The following GRM7 variants were observed in gnomAD, a reference collection of about 807,000 sequenced individuals.
The protein encoded by GRM7 is glutamate metabotropic receptor 7, also known as metabotropic glutamate receptor 7.
GRM7 carries 35 observed loss-of-function variants against 84.5 expected under a neutral mutation model. That is an observed-to-expected ratio of 0.41 (90% CI 0.32 to 0.55). GRM7 has a LOEUF of 0.55. Among genes scored for constraint, GRM7 ranks in the 20% least tolerant of loss-of-function variants. The pLI, the probability that GRM7 is intolerant of heterozygous loss-of-function variation, is 0.19. For missense variants in GRM7, 1,003 were observed against 1,194.6 expected (o/e 0.84, Z 2.36); for synonymous variants, 487 against 455.1 (o/e 1.07, Z -0.89).
At chr3:7,293,258 T>C (rs1699698827) in intron 2 of GRM7, among the ~76,000 whole-genome samples, 1 of 152,096 alleles carries the variant, frequency 6.6e-6, no homozygotes, top group Non-Finnish European at 1.5e-5. Context: ...TTGGAAAGCA[T>C]CTGTGGTGTG....
chr3:7,468,230 T>A (rs950299557), intron 7 of GRM7, among the ~76,000 whole-genome samples: 2 of 152,228 alleles, frequency 1.3e-5, no homozygotes, highest in East Asian at 3.8e-4. Flanking sequence ...GAGAAAAATA[T>A]GTAAGGTGTC....
At chr3:7,458,095 G>A (rs954644707) in intron 6 of GRM7, among the ~76,000 whole-genome samples, 10 of 152,172 alleles carry the variant, frequency 6.6e-5, no homozygotes, top group South Asian at 2.1e-4. Context: ...TAGTAAATAC[G>A]TTGATGCAGA....
Position 6,999,649 on chromosome 3 carries a change from A to C in GRM7, c.519+137742A>C, listed in dbSNP as rs570820224. 1.2e-4 allele frequency among the ~76,000 whole-genome samples: 19 copies of C among 152,326 alleles called. No individual in the cohort carries two copies. In the South Asian group the frequency reaches 3.5e-3, roughly 28 times the overall value. On this transcript the variant is annotated intron_variant, in intron 1 of 9. Coordinates refer to ENST00000357716, the MANE Select transcript of GRM7 (RefSeq NM_000844.4). Reference sequence around the variant, plus strand: ...CTGCAGGGCTGGGGATGCCTCAGGAAACTTACAATCATGGTGGAAGAGGAA... The same window carrying C: ...CTGCAGGGCTGGGGATGCCTCAGGACACTTACAATCATGGTGGAAGAGGAA...
At chr3:7,461,869 T>C in intron 7 of GRM7, 147 bp downstream of exon 7, 1 of 685,434 alleles carries the variant, frequency 1.5e-6, no homozygotes, top group South Asian at 1.8e-5. Context: ...CAGGAACTGA[T>C]ATCCAATAAT....
intron 1 of GRM7, among the ~76,000 whole-genome samples, chr3:7,011,633 T>A (rs1290925716): frequency 1.3e-5 from 2 of 152,238 alleles, no homozygotes; most frequent in African/African-American, 4.8e-5. Context: ...GTACAAAATC[T>A]GTTTTATCTG....
intron 2 of GRM7, among the ~76,000 whole-genome samples, chr3:7,163,130 T>C (rs1694687897): frequency 6.6e-6 from 1 of 152,150 alleles, no homozygotes; most frequent in Admixed American, 6.6e-5. Context: ...CTTCTGTTGC[T>C]CTGGACTATA....
chr3:7,506,834 G>A (rs1388454590), intron 7 of GRM7, among the ~76,000 whole-genome samples: 1 of 152,134 alleles, frequency 6.6e-6, no homozygotes, highest in African/African-American at 2.4e-5. Flanking sequence ...ATCTACTCAT[G>A]AGGGCAGAGC....
At chr3:7,453,857 C>G (rs1182976556) in intron 6 of GRM7, among the ~76,000 whole-genome samples, 1 of 152,146 alleles carries the variant, frequency 6.6e-6, no homozygotes, top group East Asian at 1.9e-4. Context: ...CTTGGTCTAT[C>G]TGTGCAACAT....
intron 7 of GRM7, among the ~76,000 whole-genome samples, chr3:7,534,997 G>C (rs1701188550): frequency 6.6e-6 from 1 of 152,176 alleles, no homozygotes; most frequent in Non-Finnish European, 1.5e-5. Context: ...GTTTTGCTAT[G>C]TGTCCTTCAG....
intron 7 of GRM7, among the ~76,000 whole-genome samples, chr3:7,470,033 C>G (rs967657724): frequency 6.6e-6 from 1 of 152,160 alleles, no homozygotes; most frequent in Non-Finnish European, 1.5e-5. Context: ...GCAGCAAAAG[C>G]TGGCTAAATC....
At chr3:6,950,807 G>A (rs899486159) in intron 1 of GRM7, among the ~76,000 whole-genome samples, 1 of 152,196 alleles carries the variant, frequency 6.6e-6, no homozygotes, top group African/African-American at 2.4e-5. Flanking sequence ...ATCTCAGACT[G>A]CTGTGCTAGC....
intron 1 of GRM7, among the ~76,000 whole-genome samples, chr3:7,035,622 G>A (rs1050686455): frequency 2.6e-5 from 4 of 152,206 alleles, no homozygotes; most frequent in Admixed American, 2.6e-4. Flanking sequence ...CTATAGACAA[G>A]TGAAAATGGG....
chr3:7,030,868 C>G (rs1348136079), intron 1 of GRM7, among the ~76,000 whole-genome samples: 1 of 152,104 alleles, frequency 6.6e-6, no homozygotes, highest in African/African-American at 2.4e-5. Flanking sequence ...TATTTAAAAG[C>G]AAATGATTCA....
Position 6,861,414 on chromosome 3 carries a change from G to A in GRM7, c.26G>A (p.Arg9His), listed in dbSNP as rs1255548681. 3.1e-6 allele frequency: 5 copies of A among 1,594,310 alleles called. No homozygotes were observed. The highest frequency in any genetic ancestry group is 3.4e-6 in the Non-Finnish European group (4 of 1,172,776). The change falls in exon 1 of 10, where the codon CGC becomes CAC. Residue 9 changes from arginine (R) to histidine (H), a missense_variant. This residue lies in a region of GRM7 where 93 missense variants were observed against 68.6 expected (regional missense o/e 1.36). Coordinates refer to ENST00000357716, the MANE Select transcript of GRM7 (RefSeq NM_000844.4). This position sits in a 1 kb window ranked among gnomAD's most constrained non-coding sequence, Gnocchi z 6.4. The stretch of plus-strand genomic sequence containing the variant: ...ATGGTCCAGCTGAGGAAGCTGCTCC[G>A]CGTCCTGACTTTGATGAAGTTCCCC... Reference protein sequence around the residue: MVQLRKLLRVLTLMKFPCC... With the variant: MVQLRKLLHVLTLMKFPCC...
intron 9 of GRM7, among the ~76,000 whole-genome samples, chr3:7,722,347 G>A (rs1701980359): frequency 6.6e-6 from 1 of 151,928 alleles, no homozygotes. Context: ...TTATACTATA[G>A]TACTATTACT....
intron 8 of GRM7, among the ~76,000 whole-genome samples, chr3:7,665,225 G>A (rs778316062): frequency 2.1e-5 from 3 of 144,598 alleles, no homozygotes; most frequent in Non-Finnish European, 4.5e-5. Context: ...AGGCGGGAGT[G>A]CAGTGGCGCA....
Position 7,102,380 on chromosome 3 carries a change from A to T in GRM7, c.520-44072A>T, listed in dbSNP as rs185809793. On this transcript the variant is annotated intron_variant, in intron 1 of 9. Coordinates refer to ENST00000357716, the MANE Select transcript of GRM7 (RefSeq NM_000844.4). ...ATGCTGGCTGCCATCGCTTCTGAAG[A>T]GAAGTCAGTGTATCTGCAAATCATT... Among the ~76,000 whole-genome samples the T allele has an allele frequency of 1.2e-3, 182 of 151,932 alleles. 1 individual carries two copies. Among genetic ancestry groups the T allele is most frequent in the African/African-American group, 3.8e-3 (158 of 41,516 alleles).
intron 7 of GRM7, among the ~76,000 whole-genome samples, chr3:7,526,145 A>C (rs1490685606): frequency 6.6e-6 from 1 of 152,046 alleles, no homozygotes; most frequent in Non-Finnish European, 1.5e-5. Context: ...CAGTGTCTGA[A>C]CTAATCATGC....
chr3:7,640,648 G>T (rs1698324882), intron 8 of GRM7, among the ~76,000 whole-genome samples: 1 of 152,172 alleles, frequency 6.6e-6, no homozygotes, highest in Non-Finnish European at 1.5e-5. Flanking sequence ...AGGAAAGTCT[G>T]AGAAATACTA....
Sources: allele counts gnomAD v4.1 joint callset (sites outside exome capture counted in the v4.1 genomes callset), GRCh38; gene constraint gnomAD v4.1.1; regional missense constraint gnomAD v4.1.1; non-coding constraint Gnocchi (gnomAD v3.1); transcripts MANE v1.5; gene names NCBI Gene and HGNC (gene_info 2026-07-23, HGNC 2026-07-21).